Variants in RASAL2 observed in about 807,000 individuals in gnomAD.
The protein encoded by RASAL2 is ras GTPase-activating protein nGAP.
RASAL2 carries 58 observed loss-of-function variants against 128.9 expected under a neutral mutation model. The observed-to-expected ratio is 0.45, with a 90% CI of 0.36 to 0.56. The LOEUF is 0.56. RASAL2 is among the 20% of genes least tolerant of loss of function. The pLI is 0.00. For synonymous variants in RASAL2, 561 were observed against 580.8 expected (o/e 0.97, Z 0.49); for missense variants, 1,360 against 1,601.6 (o/e 0.85, Z 2.57).
At chr1:178,437,951 T>G (rs1676362502) in intron 5 of RASAL2, among the ~76,000 whole-genome samples, 2 of 152,072 alleles carry the variant, frequency 1.3e-5, no homozygotes, top group Admixed American at 6.6e-5. Flanking sequence ...AAATAAACAT[T>G]GTCATTTTAA....
chr1:178,222,090 A>C (rs966044082), intron 1 of RASAL2, among the ~76,000 whole-genome samples: 1 of 152,184 alleles, frequency 6.6e-6, no homozygotes, highest in African/African-American at 2.4e-5. Context: ...TTAGCACAGT[A>C]TAGCTTTCTC....
chr1:178,378,106 T>C (rs919178118), intron 3 of RASAL2, among the ~76,000 whole-genome samples: 6 of 151,390 alleles, frequency 4.0e-5, no homozygotes, highest in Non-Finnish European at 8.8e-5. Context: ...AAATTATATA[T>C]GAAAATGTTA....
chr1:178,451,963 C>T (rs72707030), intron 10 of RASAL2, among the ~76,000 whole-genome samples: 155 of 152,268 alleles, frequency 1.0e-3, no homozygotes, highest in South Asian at 1.9e-3. Context: ...AATATTAGTA[C>T]TATAGCCTCT....
chr1:178,456,688 T>A (rs1448809561), intron 12 of RASAL2, 33 bp from the exon 13 acceptor site: 11 of 1,611,694 alleles, frequency 6.8e-6, no homozygotes, highest in Non-Finnish European at 9.3e-6. Context: ...GCAATGCTTA[T>A]TATCCAATTA....
intron 9 of RASAL2, among the ~76,000 whole-genome samples, chr1:178,446,537 G>A (rs1348286335): frequency 6.6e-6 from 1 of 152,090 alleles, no homozygotes; most frequent in East Asian, 1.9e-4. Context: ...TTAATTAGGT[G>A]TTTTACTTTT....
intron 3 of RASAL2, chr1:178,372,282 T>G: frequency 2.0e-6 from 2 of 985,420 alleles, no homozygotes; most frequent in Non-Finnish European, 2.4e-6. Flanking sequence ...AGTGGTTGGA[T>G]AGTAGCACCG....
chr1:178,304,523 A>T (rs1187198091), intron 3 of RASAL2, among the ~76,000 whole-genome samples: 1 of 152,176 alleles, frequency 6.6e-6, no homozygotes, highest in African/African-American at 2.4e-5. Context: ...ACCTTGTCTC[A>T]AAAACAAAAC....
intron 17 of RASAL2, among the ~76,000 whole-genome samples, chr1:178,467,940 C>T (rs913760070): frequency 2.6e-5 from 4 of 152,188 alleles, no homozygotes; most frequent in African/African-American, 9.6e-5. Flanking sequence ...TTGGAATGTG[C>T]TTGGCTGCTC....
At chr1:178,182,877 G>A (rs1217178965) in intron 1 of RASAL2, among the ~76,000 whole-genome samples, 2 of 151,956 alleles carry the variant, frequency 1.3e-5, no homozygotes, top group Non-Finnish European at 2.9e-5. Flanking sequence ...GGGGGAAATG[G>A]TTTCGGGATC....
At chr1:178,157,968 G>A (rs1197211017) in intron 1 of RASAL2, among the ~76,000 whole-genome samples, 1 of 152,050 alleles carries the variant, frequency 6.6e-6, no homozygotes, top group East Asian at 1.9e-4. Flanking sequence ...CACCTTGCTA[G>A]GATTGCTCTT....
chr1:178,230,222 C>T (rs181736006), intron 1 of RASAL2, among the ~76,000 whole-genome samples: 44 of 152,064 alleles, frequency 2.9e-4, no homozygotes, highest in African/African-American at 9.9e-4. Context: ...ACATTTGGGT[C>T]GTTTTATTTT....
intron 1 of RASAL2, among the ~76,000 whole-genome samples, chr1:178,258,432 C>G (rs1665490833): frequency 6.6e-6 from 1 of 151,978 alleles, no homozygotes; most frequent in South Asian, 2.1e-4. Flanking sequence ...AAAAGACAAG[C>G]CAATTTTAAA....
chr1:178,281,343 A>G (rs1666775631), intron 1 of RASAL2, among the ~76,000 whole-genome samples: 1 of 152,006 alleles, frequency 6.6e-6, no homozygotes, highest in South Asian at 2.1e-4. Context: ...TGTTTTTTTG[A>G]GACATTGTCT....
At chr1:178,342,895 T>C (rs375676093) in intron 3 of RASAL2, among the ~76,000 whole-genome samples, 3 of 152,322 alleles carry the variant, frequency 2.0e-5, no homozygotes, top group African/African-American at 7.2e-5. Flanking sequence ...TGTTAGCAGA[T>C]AATTTAAGTG....
At chr1:178,257,508 C>G (rs1305102544) in intron 1 of RASAL2, among the ~76,000 whole-genome samples, 2 of 151,390 alleles carry the variant, frequency 1.3e-5, no homozygotes, top group East Asian at 3.9e-4. Flanking sequence ...ACAAGGTTAT[C>G]AAGACCACTC....
At chr1:178,253,861 G>A (rs989163362) in intron 1 of RASAL2, among the ~76,000 whole-genome samples, 1 of 152,144 alleles carries the variant, frequency 6.6e-6, no homozygotes, top group Non-Finnish European at 1.5e-5. Flanking sequence ...TTCTTCACTT[G>A]CTTCGGGCCA....
At chr1:178,468,318 TATC>T (rs1480165447) in intron 17 of RASAL2, among the ~76,000 whole-genome samples, 1 of 152,218 alleles carries the variant, frequency 6.6e-6, no homozygotes, top group Admixed American at 6.5e-5. Flanking sequence ...TTAAATGACA[TATC>T]ATATCCCTAA....
intron 1 of RASAL2, among the ~76,000 whole-genome samples, chr1:178,106,250 T>TA (rs1240113053): frequency 2.0e-5 from 3 of 152,322 alleles, no homozygotes; most frequent in Non-Finnish European, 4.4e-5. Context: ...ACTGACAGCA[T>TA]AAAAAATCTC....
At chr1:178,334,145 G>A (rs1244170691) in intron 3 of RASAL2, among the ~76,000 whole-genome samples, 1 of 151,998 alleles carries the variant, frequency 6.6e-6, no homozygotes, top group Non-Finnish European at 1.5e-5. Context: ...TTCTTATCGT[G>A]TTGAATTTTT....
Sources: gnomAD v4.1 joint callset for allele counts (sites outside exome capture counted in the v4.1 genomes callset) on GRCh38, gnomAD v4.1.1 for gene constraint, MANE v1.5 for transcripts, NCBI Gene and HGNC (gene_info 2026-07-23, HGNC 2026-07-21) for gene names.